GLDN: variants seen among roughly 807,000 people sequenced by gnomAD.
GLDN encodes the protein gliomedin, also known as collomin.
In GLDN, 47 loss-of-function variants were observed where a neutral mutation model predicts 56.5. The ratio of observed to expected loss-of-function variants is 0.83; its 90% CI spans 0.66 to 1.06. The LOEUF is 1.06. GLDN is among the 50% of genes least tolerant of loss of function. The probability of loss-of-function intolerance (pLI) is 0.00; values close to 1 mark genes in which losing one functional copy is unlikely to be tolerated. For synonymous variants in GLDN, 332 were observed against 278.8 expected, an observed-to-expected ratio of 1.19 and a Z score of -1.90; for missense variants, 782 against 714.3, an observed-to-expected ratio of 1.09 and a Z score of -1.08.
Position 51,397,589 on chromosome 15 carries a change from C to A in GLDN, c.808C>A (p.Gln270Lys). The A allele has an allele frequency of 1.3e-6, 2 of 1,595,568 alleles. No individual in the cohort carries two copies. Among genetic ancestry groups the A allele is most frequent in the Non-Finnish European group, 1.7e-6 (2 of 1,169,878 alleles). Residue 270 changes from glutamine to lysine, a missense_variant, in exon 6 of 10, where the codon CAG (glutamine) becomes AAG (lysine). Gln to Lys is a moderately conservative substitution (Grantham distance 53). Transcript: ENST00000335449. ...GPRQPSMFNG[Q>K]CPGETCAIPN... ...TCGGCAGCCAAGCATGTTCAACGGC[C>A]AGTGCCCAGGTCACCACCTCTCCCC...
At chr15:51,366,648 C>T (rs1198254389) in intron 1 of GLDN, among the ~76,000 whole-genome samples, 1 of 152,164 alleles carries the variant, frequency 6.6e-6, no homozygotes, top group Non-Finnish European at 1.5e-5. Flanking sequence ...CGAGGTGGCT[C>T]ACACCTGTAA....
chr15:51,380,255 G>A (rs540639067), intron 2 of GLDN, among the ~76,000 whole-genome samples: 3 of 152,316 alleles, frequency 2.0e-5, no homozygotes, highest in Admixed American at 2.0e-4. Flanking sequence ...CGACTGCAGA[G>A]CATTAAGCCC....
At chr15:51,342,300 G>A (rs942076106) in intron 1 of GLDN, among the ~76,000 whole-genome samples, 3 of 152,264 alleles carry the variant, frequency 2.0e-5, no homozygotes, top group Non-Finnish European at 2.9e-5. Flanking sequence ...GAGTCCACAT[G>A]TAAACGAAGG....
chr15:51,353,237 A>G (rs1208265009), intron 1 of GLDN, among the ~76,000 whole-genome samples: 1 of 151,866 alleles, frequency 6.6e-6, no homozygotes, highest in Non-Finnish European at 1.5e-5. Flanking sequence ...CCCATTTCCT[A>G]GCCCCCTCTG....
chr15:51,410,137 G>C (rs2038450439), downstream of GLDN, among the ~76,000 whole-genome samples: 1 of 152,142 alleles, frequency 6.6e-6, no homozygotes, highest in African/African-American at 2.4e-5. Flanking sequence ...CTATGCTGTG[G>C]TGTCTCCTGG....
At chr15:51,394,802 A>G (rs1220596395) in intron 4 of GLDN, 33 bp from the exon 5 acceptor site, 7 of 1,613,108 alleles carry the variant, frequency 4.3e-6, no homozygotes, top group Non-Finnish European at 5.9e-6. Context: ...TTTTTGCACC[A>G]TAGGCTAATA....
intron 2 of GLDN, among the ~76,000 whole-genome samples, chr15:51,379,435 G>T (rs1212256363): frequency 6.6e-6 from 1 of 152,200 alleles, no homozygotes; most frequent in Non-Finnish European, 1.5e-5. Context: ...TCTCCTTGCA[G>T]CCAAGTGACC....
intron 5 of GLDN, among the ~76,000 whole-genome samples, chr15:51,395,762 A>G (rs8027922): frequency 0.086 from 2,330 of 27,062 alleles, 33 homozygotes; most frequent in Non-Finnish European, 0.14. Context: ...TTATATATTT[A>G]AAAAAAGGTT....
intron 1 of GLDN, among the ~76,000 whole-genome samples, chr15:51,344,663 T>C (rs779681176): frequency 6.6e-6 from 1 of 152,180 alleles, no homozygotes; most frequent in East Asian, 1.9e-4. Flanking sequence ...TGAGGTCTTA[T>C]GTCCTTAGAG....
At chr15:51,380,263 C>T (rs1449061784) in intron 2 of GLDN, among the ~76,000 whole-genome samples, 3 of 152,196 alleles carry the variant, frequency 2.0e-5, no homozygotes, top group African/African-American at 7.2e-5. Flanking sequence ...GAGCATTAAG[C>T]CCACACCTGA....
intron 1 of GLDN, among the ~76,000 whole-genome samples, chr15:51,362,776 G>A (rs931756515): frequency 3.9e-5 from 6 of 152,176 alleles, no homozygotes; most frequent in Non-Finnish European, 8.8e-5. Flanking sequence ...TATTTATATA[G>A]CCATTGCAAT....
chr15:51,384,416 TCTC>T (rs1206180249), intron 4 of GLDN: 3 of 177,380 alleles, frequency 1.7e-5, no homozygotes, highest in African/African-American at 7.2e-5. Flanking sequence ...GGTCAAAGGG[TCTC>T]CTCTTCAGGG....
At chr15:51,382,726 CAAAA>C (rs576743825) in intron 2 of GLDN, among the ~76,000 whole-genome samples, 1 of 82,736 alleles carries the variant, frequency 1.2e-5, no homozygotes. Context: ...ACTCTGTCTC[CAAAA>C]AAAAAAAAAA....
chr15:51,400,299 T>C, intron 7 of GLDN, 24 bp downstream of exon 7: 1 of 1,614,190 alleles, frequency 6.2e-7, no homozygotes, highest in Non-Finnish European at 8.5e-7. Flanking sequence ...GCGTCCTGTC[T>C]TGAAATTCAG....
chr15:51,358,695 A>G (rs2044993771), intron 1 of GLDN, among the ~76,000 whole-genome samples: 1 of 152,176 alleles, frequency 6.6e-6, no homozygotes, highest in Non-Finnish European at 1.5e-5. Context: ...TTCTCCTTTC[A>G]GATGGGAGAC....
At chr15:51,394,795 T>C in intron 4 of GLDN, 40 bp from the exon 5 acceptor site, 1 of 1,612,636 alleles carries the variant, frequency 6.2e-7, no homozygotes, top group Non-Finnish European at 8.5e-7. Flanking sequence ...CCAGAACTTT[T>C]TGCACCATAG....
At position 51,360,854 on chromosome 15, in the gene GLDN, G is replaced by T. The variant is rs191519432; in HGVS notation, c.364-16595G>T. ...CTATCCCCTGTGTGGAGGGAGGAGA[G>T]GGCTGAGCAGGAAGTAGGTTGAGAA... On this transcript the variant is annotated intron_variant, in intron 1 of 9. Transcript: ENST00000335449. Among the ~76,000 whole-genome samples the T allele has an allele frequency of 4.0e-3, 606 of 152,140 alleles. 5 individuals are homozygous for T. The highest frequency in any genetic ancestry group is 0.014 in the African/African-American group (591 of 41,506).
chr15:51,350,499 C>T (rs1310744891), intron 1 of GLDN, among the ~76,000 whole-genome samples: 2 of 152,188 alleles, frequency 1.3e-5, no homozygotes, highest in South Asian at 2.1e-4. Flanking sequence ...GCATTTAGGA[C>T]GTCAGTGCTG....
At chr15:51,366,224 C>A (rs140576279) in intron 1 of GLDN, among the ~76,000 whole-genome samples, 2 of 152,314 alleles carry the variant, frequency 1.3e-5, no homozygotes, top group Non-Finnish European at 2.9e-5. Context: ...CGGAGGCCAC[C>A]TTTGGGAGTG....
Sources: allele counts gnomAD v4.1 joint callset (sites outside exome capture counted in the v4.1 genomes callset), GRCh38; gene constraint gnomAD v4.1.1; transcripts MANE v1.5; gene names NCBI Gene and HGNC (gene_info 2026-07-23, HGNC 2026-07-21).